The following GNA12 variants were observed in gnomAD, a reference collection of about 807,000 sequenced individuals.
GNA12 encodes G protein subunit alpha 12, also known as guanine nucleotide-binding protein subunit alpha-12.
Under a neutral mutation model 26.0 loss-of-function variants are expected in GNA12, and 9 were observed. That is an observed-to-expected ratio of 0.35 (90% confidence interval 0.21 to 0.60). The LOEUF (loss-of-function observed/expected upper bound fraction) is 0.60. Ranked by LOEUF, GNA12 falls within the 20% of genes least tolerant of loss-of-function variation. GNA12 has a pLI of 0.78. For missense variants in GNA12, 405 were observed against 525.8 expected (o/e 0.77, Z 2.25); for synonymous variants, 264 against 219.6 (o/e 1.20, Z -1.79).
At chr7:2,839,382 C>T (rs1408375322) in intron 1 of GNA12, among the ~76,000 whole-genome samples, 4 of 151,966 alleles carry the variant, frequency 2.6e-5, no homozygotes, top group East Asian at 1.9e-4. Context: ...CCACCACACC[C>T]GGCTAATTTG....
At chr7:2,794,773 C>T (rs2115457170) in intron 2 of GNA12, 155 bp downstream of exon 2, 2 of 631,660 alleles carry the variant, frequency 3.2e-6, no homozygotes, top group Non-Finnish European at 5.6e-6. Context: ...CATCTGCCTC[C>T]ATCCCGTGTT....
chr7:2,734,533 G>C (rs1302289665), intron 2 of GNA12, among the ~76,000 whole-genome samples: 1 of 152,208 alleles, frequency 6.6e-6, no homozygotes, highest in African/African-American at 2.4e-5. Context: ...CATCAGAATG[G>C]ACTACGTGAT....
rs1209027917 is a variant in GNA12 at position 2,741,052 on chromosome 7, A to G, written c.526-7551T>C. 2.6e-5 allele frequency among the ~76,000 whole-genome samples: 4 copies of G among 151,900 alleles called. No individual in the cohort carries two copies. In the East Asian group the frequency reaches 7.7e-4, roughly 29 times the overall value. ...AGAGCGAGACTCCGTCTCAAAACAA[A>G]CAAACAAACAAACAAACAAATAATC... On this transcript the variant is annotated intron_variant, in intron 2 of 3. Transcript: ENST00000275364.
intron 2 of GNA12, among the ~76,000 whole-genome samples, chr7:2,770,808 A>C (rs1259852470): frequency 6.6e-6 from 1 of 152,210 alleles, no homozygotes; most frequent in Non-Finnish European, 1.5e-5. Context: ...GAGTTACTGA[A>C]ACCGAATGCC....
chr7:2,817,063 C>T (rs920719783), intron 1 of GNA12, among the ~76,000 whole-genome samples: 12 of 152,206 alleles, frequency 7.9e-5, no homozygotes, highest in African/African-American at 2.9e-4. Context: ...GTTCAACTCT[C>T]TACTTAAACT....
intron 1 of GNA12, among the ~76,000 whole-genome samples, chr7:2,828,940 G>A (rs2114970812): frequency 6.6e-6 from 1 of 152,204 alleles, no homozygotes; most frequent in South Asian, 2.1e-4. Flanking sequence ...AGGTGTGGTG[G>A]TGTCTGCCTG....
At chr7:2,757,456 A>G (rs1236593896) in intron 2 of GNA12, among the ~76,000 whole-genome samples, 1 of 152,150 alleles carries the variant, frequency 6.6e-6, no homozygotes, top group African/African-American at 2.4e-5. Context: ...GCTGCCAGCT[A>G]GTAAGAAAAT....
chr7:2,745,984 T>TA (rs1421553960), intron 2 of GNA12, among the ~76,000 whole-genome samples: 3 of 152,118 alleles, frequency 2.0e-5, no homozygotes, highest in Non-Finnish European at 4.4e-5. Flanking sequence ...CCTAAATATA[T>TA]ATGCAAACAA....
chr7:2,762,822 C>T (rs1214382898), intron 2 of GNA12: 1 of 1,522,680 alleles, frequency 6.6e-7, no homozygotes, highest in South Asian at 1.3e-5. Flanking sequence ...TCCCATCCGC[C>T]ACACACCCAG....
intron 2 of GNA12, among the ~76,000 whole-genome samples, chr7:2,782,098 C>G (rs2115437253): frequency 6.6e-6 from 1 of 152,146 alleles, no homozygotes; most frequent in Middle Eastern, 3.4e-3. Flanking sequence ...ACTGAGTGTC[C>G]ACATGTAGAA....
At chr7:2,765,119 A>C (rs1173422059) in intron 2 of GNA12, 1 of 152,160 alleles carries the variant, frequency 6.6e-6, no homozygotes, top group Non-Finnish European at 1.5e-5. Flanking sequence ...CTTGGATTAA[A>C]ATCTAAGGGA....
At chr7:2,824,559 GTC>G (rs1263828297) in intron 1 of GNA12, among the ~76,000 whole-genome samples, 1 of 152,144 alleles carries the variant, frequency 6.6e-6, no homozygotes, top group East Asian at 1.9e-4. Context: ...CCTGTGGATC[GTC>G]TGTTTCCCAC....
chr7:2,787,064 C>T (rs1006094716), intron 2 of GNA12, among the ~76,000 whole-genome samples: 5 of 152,102 alleles, frequency 3.3e-5, no homozygotes, highest in African/African-American at 4.8e-5. Context: ...CAAAGACAAG[C>T]GGTGGGCTCC....
chr7:2,813,718 C>G (rs1168620916), intron 1 of GNA12, among the ~76,000 whole-genome samples: 2 of 152,196 alleles, frequency 1.3e-5, no homozygotes, highest in Non-Finnish European at 2.9e-5. Flanking sequence ...GTTAGGAGAT[C>G]TGGGAATCTG....
intron 2 of GNA12, among the ~76,000 whole-genome samples, chr7:2,745,874 T>A (rs1033234028): frequency 4.0e-5 from 6 of 148,922 alleles, no homozygotes; most frequent in African/African-American, 1.6e-4. Context: ...GCAATCCTAG[T>A]CTCTGATAAA....
chr7:2,793,394 C>T (rs1194492436), intron 2 of GNA12, among the ~76,000 whole-genome samples: 3 of 151,480 alleles, frequency 2.0e-5, no homozygotes, highest in Non-Finnish European at 4.4e-5. Flanking sequence ...ACAAGGTCTA[C>T]AGTTAATTGA....
chr7:2,739,525 G>A (rs1410561035), intron 2 of GNA12, among the ~76,000 whole-genome samples: 1 of 152,132 alleles, frequency 6.6e-6, no homozygotes, highest in Non-Finnish European at 1.5e-5. Context: ...TATGTGGTTT[G>A]TTTTTCCATT....
chr7:2,789,078 A>C (rs1276405134), intron 2 of GNA12, among the ~76,000 whole-genome samples: 1 of 148,718 alleles, frequency 6.7e-6, no homozygotes, highest in African/African-American at 2.5e-5. Flanking sequence ...TTGGCCTCCC[A>C]AAGTGCTCCC....
intron 1 of GNA12, among the ~76,000 whole-genome samples, chr7:2,804,828 G>A (rs1386374082): frequency 6.6e-6 from 1 of 152,050 alleles, no homozygotes; most frequent in African/African-American, 2.4e-5. Flanking sequence ...GGAAGCCGAG[G>A]CGGGAGGATC....
Sources: allele counts gnomAD v4.1 joint callset (sites outside exome capture counted in the v4.1 genomes callset), GRCh38; gene constraint gnomAD v4.1.1; transcripts MANE v1.5; gene names NCBI Gene and HGNC (gene_info 2026-07-23, HGNC 2026-07-21).